GUCY1A1: variants seen among roughly 807,000 people sequenced by gnomAD.
The protein encoded by GUCY1A1 is guanylate cyclase soluble subunit alpha-1.
Under a neutral mutation model 64.5 loss-of-function variants are expected in GUCY1A1, and 48 were observed. That is an observed-to-expected ratio of 0.74 (90% CI 0.59 to 0.95). The LOEUF (loss-of-function observed/expected upper bound fraction) is 0.95, where lower values mean the gene tolerates loss of function less well. GUCY1A1 is among the 40% of genes least tolerant of loss of function. The pLI is 0.00. For synonymous variants in GUCY1A1, 308 were observed against 303.4 expected, an observed-to-expected ratio of 1.02 and a Z score of -0.16; for missense variants, 804 against 825.3, an observed-to-expected ratio of 0.97 and a Z score of 0.32.
At chr4:155,692,380 A>G (rs35827995) in intron 2 of GUCY1A1, among the ~76,000 whole-genome samples, 2 of 152,180 alleles carry the variant, frequency 1.3e-5, no homozygotes, top group African/African-American at 4.8e-5. Context: ...ACTCTCTTCC[A>G]CAATGGCTGA....
chr4:155,711,541 A>T (rs1488154762), intron 6 of GUCY1A1, among the ~76,000 whole-genome samples: 2 of 152,248 alleles, frequency 1.3e-5, no homozygotes, highest in African/African-American at 4.8e-5. Flanking sequence ...AAATGTTTTC[A>T]ATTATCAAAT....
At chr4:155,691,887 C>A (rs373520391) in intron 2 of GUCY1A1, among the ~76,000 whole-genome samples, 1 of 152,154 alleles carries the variant, frequency 6.6e-6, no homozygotes, top group Admixed American at 6.5e-5. Flanking sequence ...ATTATTTCAT[C>A]AGCCAGGTTT....
chr4:155,686,699 T>C (rs1729041934), intron 2 of GUCY1A1, among the ~76,000 whole-genome samples: 1 of 152,192 alleles, frequency 6.6e-6, no homozygotes, highest in African/African-American at 2.4e-5. Flanking sequence ...TATGAATTAA[T>C]AAAAAATAGT....
In GUCY1A1 at chr4:155,675,607, A is replaced by G. The variant is rs542466663; in HGVS notation, c.-113+8188A>G. On this transcript the variant is annotated intron_variant, in intron 2 of 9. Coordinates refer to ENST00000506455, the MANE Select transcript of GUCY1A1 (RefSeq NM_001130682.3). ...TTGTCCAGCTCTATCCCAAATAACA[A>G]TTTAATACACCGCAGCATCTATTTC... Among the ~76,000 whole-genome samples the G allele has an allele frequency of 4.6e-5, 7 of 151,704 alleles. 1 individual carries two copies. The highest frequency in any genetic ancestry group is 1.5e-4 in the African/African-American group (6 of 40,970).
At chr4:155,684,394 G>A (rs1292321023) in intron 2 of GUCY1A1, among the ~76,000 whole-genome samples, 1 of 488 alleles carries the variant, frequency 2.0e-3, no homozygotes, top group East Asian at 0.12. Flanking sequence ...AATTTGCCAC[G>A]TCTTTTGCTA....
At chr4:155,701,381 T>G (rs577018418) in intron 3 of GUCY1A1, among the ~76,000 whole-genome samples, 1 of 152,212 alleles carries the variant, frequency 6.6e-6, no homozygotes, top group South Asian at 2.1e-4. Context: ...CCTTAGCAAT[T>G]GGAAGGGGAC....
At chr4:155,724,817 T>TGC in intron 9 of GUCY1A1, among the ~76,000 whole-genome samples, 1 of 152,242 alleles carries the variant, frequency 6.6e-6, no homozygotes, top group East Asian at 1.9e-4. Flanking sequence ...TACAGACTCA[T>TGC]ATATCCTATT....
Position 155,708,298 on chromosome 4 carries a change from A to C in GUCY1A1, c.376+4A>C, listed in dbSNP as rs1254175630. 6 of 1,495,648 alleles carry C rather than the reference A, an allele frequency of 4.0e-6. No homozygotes were observed. Among genetic ancestry groups the C allele is most frequent in the Non-Finnish European group, 4.7e-6 (5 of 1,073,680 alleles). The allele number at this position is 1,495,648 out of a possible 1,614,324, so 92.6% of individuals were successfully genotyped here. A position where few individuals can be genotyped will look rare whatever the true frequency, so the allele number is the denominator to read the frequency against. On this transcript the variant is annotated splice_donor_region_variant and intron_variant, in intron 5 of 9. Transcript: ENST00000506455. Reference sequence around the variant, plus strand: ...GCAGAGCAAGCAGTTGCAGCAGGTAATAGAATTGTTTATGTAATTAGAAAG... The same window carrying C: ...GCAGAGCAAGCAGTTGCAGCAGGTACTAGAATTGTTTATGTAATTAGAAAG...
Position 155,710,777 on chromosome 4 carries a change from C to T in GUCY1A1, c.612C>T (p.Tyr204=). 6.2e-7 allele frequency: 1 copy of T among 1,613,990 alleles called. No individual in the cohort carries two copies. Residue 204 remains tyrosine (Y), a synonymous_variant, in exon 6 of 10, where the codon TAC becomes TAT. Coordinates refer to ENST00000506455, the MANE Select transcript of GUCY1A1 (RefSeq NM_001130682.3). The part of the protein sequence containing the change: ...DKEDDFLHVY[Y]FFPKRTTSLI... ...AGGATGATTTTCTACATGTTTACTA[C>T]TTCTTCCCTAAGAGAACCACCTCCC...
intron 9 of GUCY1A1, among the ~76,000 whole-genome samples, chr4:155,727,287 A>T (rs1734831529): frequency 6.6e-6 from 1 of 151,988 alleles, no homozygotes; most frequent in African/African-American, 2.4e-5. Flanking sequence ...CTGATTTTTT[A>T]AAAAGACAAT....
At chr4:155,724,705 G>A (rs1161883521) in intron 9 of GUCY1A1, among the ~76,000 whole-genome samples, 6 of 151,790 alleles carry the variant, frequency 4.0e-5, no homozygotes, top group African/African-American at 1.5e-4. Flanking sequence ...TTGTTGCCGT[G>A]CTCAGAGCCT....
chr4:155,682,718 GTGTGTGTGTGTA>G (rs1003887858), intron 2 of GUCY1A1, among the ~76,000 whole-genome samples: 1 of 151,634 alleles, frequency 6.6e-6, no homozygotes, highest in African/African-American at 2.4e-5. Flanking sequence ...GTGTGTGTGT[GTGTGTGTGTGTA>G]TATACCCCAC....
intron 4 of GUCY1A1, among the ~76,000 whole-genome samples, chr4:155,707,484 A>G (rs1329505639): frequency 6.6e-6 from 1 of 152,160 alleles, no homozygotes; most frequent in African/African-American, 2.4e-5. Flanking sequence ...GCTCACTGCC[A>G]CTGCCCAGCA....
Position 155,713,255 on chromosome 4 carries a change from T to C in GUCY1A1, c.1244T>C (p.Ile415Thr), listed in dbSNP as rs1732817344. 2.5e-6 allele frequency: 4 copies of C among 1,614,094 alleles called. No individual in the cohort carries two copies. In the East Asian group the frequency reaches 6.7e-5, roughly 27 times the overall value. ...AATGCACTGAGGGATGTGGTCTTAA[T>C]AGGGGAACAAGCCCGAGCTCAAGAT... ...IHNALRDVVL[I>T]GEQARAQDGL... The change falls in exon 7 of 10, where the codon ATA becomes ACA. Residue 415 changes from isoleucine to threonine, a missense_variant. Physicochemically the swap from Ile to Thr is moderately conservative, Grantham distance 89. Coordinates refer to ENST00000506455, the MANE Select transcript of GUCY1A1 (RefSeq NM_001130682.3).
intron 2 of GUCY1A1, among the ~76,000 whole-genome samples, chr4:155,680,460 A>ATGTG (rs59517530): frequency 0.023 from 3,492 of 149,578 alleles, 45 homozygotes; most frequent in African/African-American, 0.03. Flanking sequence ...TTTTAAGTAT[A>ATGTG]TGTGTGTGTG....
intron 2 of GUCY1A1, among the ~76,000 whole-genome samples, chr4:155,682,977 T>C (rs1282109184): frequency 6.6e-6 from 1 of 152,136 alleles, no homozygotes; most frequent in Non-Finnish European, 1.5e-5. Flanking sequence ...TATTAATATA[T>C]TTTATTGAGA....
chr4:155,719,619 C>T (rs1369976592), intron 8 of GUCY1A1, among the ~76,000 whole-genome samples: 1 of 152,146 alleles, frequency 6.6e-6, no homozygotes, highest in Non-Finnish European at 1.5e-5. Flanking sequence ...TCCTTTAGCA[C>T]GTCACATGTG....
At chr4:155,718,972 C>A (rs1733619722) in intron 8 of GUCY1A1, among the ~76,000 whole-genome samples, 1 of 152,014 alleles carries the variant, frequency 6.6e-6, no homozygotes, top group Non-Finnish European at 1.5e-5. Flanking sequence ...ATATTTCTTT[C>A]TCTTTCTAAT....
intron 8 of GUCY1A1, among the ~76,000 whole-genome samples, chr4:155,718,751 C>G (rs1733587196): frequency 6.6e-6 from 1 of 152,136 alleles, no homozygotes; most frequent in African/African-American, 2.4e-5. Flanking sequence ...GTGGAAGCTG[C>G]ATGACTTAGT....
Sources: allele counts gnomAD v4.1 joint callset (sites outside exome capture counted in the v4.1 genomes callset), GRCh38; gene constraint gnomAD v4.1.1; transcripts MANE v1.5; gene names NCBI Gene and HGNC (gene_info 2026-07-23, HGNC 2026-07-21).